KALRN: variants seen among roughly 807,000 people sequenced by gnomAD.
KALRN encodes the protein kalirin.
KALRN carries 70 observed loss-of-function variants against 353.7 expected under a neutral mutation model. That is an observed-to-expected ratio of 0.20 (90% CI 0.16 to 0.24). KALRN has a LOEUF of 0.24. Ranked by LOEUF, KALRN falls within the 10% of genes least tolerant of loss-of-function variation. The pLI is 1.00. For missense variants in KALRN, 2,791 were observed against 3,756.7 expected (o/e 0.74, Z 6.72); for synonymous variants, 1,391 against 1,434.8 (o/e 0.97, Z 0.69).
intron 10 of KALRN, among the ~76,000 whole-genome samples, chr3:124,350,552 G>T (rs142755191): frequency 1.6e-4 from 24 of 152,238 alleles, no homozygotes; most frequent in African/African-American, 5.3e-4. Flanking sequence ...TCCTTATTGA[G>T]GTATAGGAAG....
chr3:124,471,877 G>A (rs2107937868), intron 25 of KALRN, among the ~76,000 whole-genome samples: 1 of 148,888 alleles, frequency 6.7e-6, no homozygotes, highest in South Asian at 2.1e-4. Flanking sequence ...TGAGGCAGGA[G>A]AATGGCGTGA....
chr3:124,642,806 G>GTTGTTTTTGTTTTTTTTTT (rs796628603), intron 37 of KALRN, among the ~76,000 whole-genome samples: 1 of 96,840 alleles, frequency 1.0e-5, no homozygotes, highest in African/African-American at 4.5e-5. Flanking sequence ...CCCAAGCCTC[G>GTTGTTTTTGTTTTTTTTTT]TTTTTTTTTT....
chr3:124,262,488 A>G (rs1268420011), intron 3 of KALRN, among the ~76,000 whole-genome samples: 1 of 152,232 alleles, frequency 6.6e-6, no homozygotes, highest in Non-Finnish European at 1.5e-5. Flanking sequence ...AAAATTATTT[A>G]TGGAAAGCTT....
chr3:124,647,333 A>G (rs2082884982), intron 37 of KALRN, among the ~76,000 whole-genome samples: 2 of 152,094 alleles, frequency 1.3e-5, no homozygotes, highest in South Asian at 4.2e-4. Context: ...GACTCACAAA[A>G]CACACAGTTA....
chr3:124,567,411 G>C (rs1159766264), intron 34 of KALRN, among the ~76,000 whole-genome samples: 1 of 152,160 alleles, frequency 6.6e-6, no homozygotes, highest in Non-Finnish European at 1.5e-5. Flanking sequence ...GCCTTCTGTG[G>C]GAGCAGTGGT....
chr3:124,265,946 T>A (rs184760367), intron 4 of KALRN, among the ~76,000 whole-genome samples: 1 of 152,088 alleles, frequency 6.6e-6, no homozygotes, highest in East Asian at 1.9e-4. Context: ...TGAAACCCTG[T>A]CTCTACTAAA....
chr3:124,547,661 A>G (rs2069866643), intron 33 of KALRN, among the ~76,000 whole-genome samples: 1 of 152,154 alleles, frequency 6.6e-6, no homozygotes, highest in African/African-American at 2.4e-5. Context: ...CTGTAGCTAA[A>G]GTCCCAGGAG....
chr3:124,124,635 A>G (rs1434745251), intron 1 of KALRN, among the ~76,000 whole-genome samples: 1 of 152,196 alleles, frequency 6.6e-6, no homozygotes, highest in African/African-American at 2.4e-5. Context: ...GGCAAATATC[A>G]TTGTTGTCTT....
At position 124,713,978 on chromosome 3, in the gene KALRN, C is replaced by T. The variant is rs548486379; in HGVS notation, c.8276+843C>T. ...GCTTGTTAGTCTAGGTGTGTGTGTACGGGATGTTTGAGTCAGTAACTTGTC... is the reference window on the plus strand; with the variant it reads ...GCTTGTTAGTCTAGGTGTGTGTGTATGGGATGTTTGAGTCAGTAACTTGTC... On this transcript the variant is annotated intron_variant, in intron 58 of 59. Transcript: ENST00000682506. Among the ~76,000 whole-genome samples, 13 of 151,418 alleles carry T rather than the reference C, an allele frequency of 8.6e-5. No individual in the cohort carries two copies. In the South Asian group the frequency reaches 1.5e-3, roughly 17 times the overall value.
At chr3:124,243,025 A>G (rs1450853986) in intron 3 of KALRN, among the ~76,000 whole-genome samples, 5 of 152,206 alleles carry the variant, frequency 3.3e-5, no homozygotes, top group Admixed American at 3.3e-4. Context: ...TAATGCCTAC[A>G]TTGGTGGGGT....
chr3:124,158,999 A>G lies in KALRN; in HGVS notation c.74-68991A>G, dbSNP rs571074565. 2.4e-4 allele frequency among the ~76,000 whole-genome samples: 36 copies of G among 152,296 alleles called. No individual in the cohort carries two copies. The South Asian group carries it at 6.0e-3, about 25-fold the overall frequency. On this transcript the variant is annotated intron_variant, in intron 1 of 59. Transcript: ENST00000682506. ...GACTCAGGGCCCTATAGGATCAGGT[A>G]TACATCTACAAACAATTGCCTTTAC...
At chr3:124,497,831 A>G (rs1340036834) in intron 33 of KALRN, among the ~76,000 whole-genome samples, 1 of 152,226 alleles carries the variant, frequency 6.6e-6, no homozygotes, top group Non-Finnish European at 1.5e-5. Context: ...GTCATGGTCC[A>G]GGGAATTCAT....
intron 1 of KALRN, among the ~76,000 whole-genome samples, chr3:124,095,498 C>G (rs1274400466): frequency 6.6e-6 from 1 of 152,102 alleles, no homozygotes; most frequent in Non-Finnish European, 1.5e-5. Flanking sequence ...TGAGTTCCTC[C>G]CTATGCACCT....
intron 34 of KALRN, among the ~76,000 whole-genome samples, chr3:124,631,037 A>G (rs2080720151): frequency 1.3e-5 from 2 of 152,180 alleles, no homozygotes; most frequent in Non-Finnish European, 2.9e-5. Flanking sequence ...CTTAATTCTT[A>G]GGTCAACTCT....
intron 33 of KALRN, among the ~76,000 whole-genome samples, chr3:124,515,719 A>G (rs993058123): frequency 6.6e-6 from 1 of 152,242 alleles, no homozygotes; most frequent in Non-Finnish European, 1.5e-5. Context: ...TTCAAAAAAA[A>G]ATTTAATGGT....
intron 23 of KALRN, among the ~76,000 whole-genome samples, chr3:124,459,822 T>C (rs542112663): frequency 1.3e-5 from 2 of 152,334 alleles, no homozygotes; most frequent in Admixed American, 1.3e-4. Flanking sequence ...CACAGGTTCC[T>C]TGGAGATGAA....
At chr3:124,036,305 G>A (rs745653259) in intron 1 of KALRN, among the ~76,000 whole-genome samples, 1 of 152,118 alleles carries the variant, frequency 6.6e-6, no homozygotes, top group Non-Finnish European at 1.5e-5. Flanking sequence ...TTATAAGTGA[G>A]AACATGAAGT....
chr3:124,676,618 A>G (rs1422789759), intron 49 of KALRN, among the ~76,000 whole-genome samples: 2 of 152,214 alleles, frequency 1.3e-5, no homozygotes, highest in African/African-American at 4.8e-5. Context: ...TTCACCAAGC[A>G]TATTAAATAA....
At chr3:124,282,702 A>G (rs2075469775) in intron 5 of KALRN, among the ~76,000 whole-genome samples, 1 of 152,148 alleles carries the variant, frequency 6.6e-6, no homozygotes, top group Non-Finnish European at 1.5e-5. Flanking sequence ...GGGACAATGG[A>G]TGCTATCTAA....
Sources: gnomAD v4.1 joint callset for allele counts (sites outside exome capture counted in the v4.1 genomes callset) on GRCh38, gnomAD v4.1.1 for gene constraint, MANE v1.5 for transcripts, NCBI Gene and HGNC (gene_info 2026-07-23, HGNC 2026-07-21) for gene names.